Variants in SPOCK1 observed in about 807,000 individuals in gnomAD.
SPOCK1 encodes the protein SPARC (osteonectin), cwcv and kazal like domains proteoglycan 1.
SPOCK1 carries 23 observed loss-of-function variants against 55.3 expected under a neutral mutation model. The observed-to-expected ratio is 0.42, with a 90% confidence interval of 0.30 to 0.59. The LOEUF is 0.59. Ranked by LOEUF, SPOCK1 falls within the 20% of genes least tolerant of loss-of-function variation. The pLI is 0.22. For missense variants in SPOCK1, 499 were observed against 552.5 expected (o/e 0.90, Z 0.97); for synonymous variants, 226 against 221.0 (o/e 1.02, Z -0.20).
intron 4 of SPOCK1, among the ~76,000 whole-genome samples, chr5:137,114,805 T>C (rs889165533): frequency 1.3e-5 from 2 of 152,228 alleles, no homozygotes; most frequent in African/African-American, 4.8e-5. Context: ...TGCTCCTGGG[T>C]CAGTCCCCAG....
chr5:137,211,252 T>C (rs753929977), intron 3 of SPOCK1, among the ~76,000 whole-genome samples: 1 of 152,162 alleles, frequency 6.6e-6, no homozygotes, highest in Admixed American at 6.5e-5. Flanking sequence ...CAGAGTCAAA[T>C]AGATCTCAGA....
chr5:137,088,070 T>C (rs2348186), intron 5 of SPOCK1, among the ~76,000 whole-genome samples: 60,731 of 152,096 alleles, frequency 0.4, 13,033 homozygotes, highest in Non-Finnish European at 0.48. Flanking sequence ...AGATTCCATG[T>C]GTGTGAAGAT....
intron 3 of SPOCK1, among the ~76,000 whole-genome samples, chr5:137,169,526 C>T (rs1220663891): frequency 1.1e-3 from 2 of 1,876 alleles, no homozygotes; most frequent in African/African-American, 3.9e-3. Context: ...TGCCCAGGCA[C>T]ACACACCCAC....
chr5:137,452,693 T>C (rs1261626112), intron 2 of SPOCK1, among the ~76,000 whole-genome samples: 1 of 152,220 alleles, frequency 6.6e-6, no homozygotes, highest in African/African-American at 2.4e-5. Context: ...CAATGGTACT[T>C]GTATTTTTAT....
At chr5:137,238,489 A>C in intron 3 of SPOCK1, among the ~76,000 whole-genome samples, 1 of 148,938 alleles carries the variant, frequency 6.7e-6, no homozygotes, top group Non-Finnish European at 1.5e-5. Flanking sequence ...AATGAATCTC[A>C]TTTATGAAGA....
intron 5 of SPOCK1, among the ~76,000 whole-genome samples, chr5:137,097,843 C>T (rs1019591003): frequency 7.9e-5 from 12 of 152,194 alleles, no homozygotes; most frequent in Non-Finnish European, 1.8e-4. Context: ...AGGCCCCAGC[C>T]AGTGCCTGCT....
At chr5:137,406,070 T>A (rs768122359) in intron 2 of SPOCK1, among the ~76,000 whole-genome samples, 2 of 152,172 alleles carry the variant, frequency 1.3e-5, no homozygotes, top group Non-Finnish European at 2.9e-5. Context: ...TGAGAGGACA[T>A]CCCAATTTCT....
intron 3 of SPOCK1, among the ~76,000 whole-genome samples, chr5:137,158,131 A>C (rs1434664): frequency 0.9 from 136,438 of 152,132 alleles, 61,249 homozygotes; most frequent in African/African-American, 0.93. Flanking sequence ...CAAATGCCCA[A>C]TCCCCAGTAA....
intron 10 of SPOCK1, 27 bp downstream of exon 10, chr5:136,979,304 TG>T: frequency 6.2e-7 from 1 of 1,613,456 alleles, no homozygotes; most frequent in Non-Finnish European, 8.5e-7. Flanking sequence ...CAGGTCATTG[TG>T]GGGCTCATGC....
chr5:137,062,134 G>A (rs1254281231), intron 6 of SPOCK1, among the ~76,000 whole-genome samples: 1 of 152,102 alleles, frequency 6.6e-6, no homozygotes, highest in Non-Finnish European at 1.5e-5. Flanking sequence ...TGTAAGAATG[G>A]AGTCACTCTG....
intron 2 of SPOCK1, among the ~76,000 whole-genome samples, chr5:137,358,800 A>C (rs924785262): frequency 5.9e-5 from 9 of 152,196 alleles, no homozygotes; most frequent in Non-Finnish European, 1.2e-4. Context: ...ACTCTGTCCA[A>C]ACAGATTAAA....
At chr5:137,354,212 A>G (rs1386749330) in intron 2 of SPOCK1, among the ~76,000 whole-genome samples, 2 of 152,120 alleles carry the variant, frequency 1.3e-5, no homozygotes, top group African/African-American at 4.8e-5. Context: ...CTAAGCACCA[A>G]TCGCTGCTCC....
chr5:137,112,512 A>G lies in SPOCK1; in HGVS notation c.397T>C (p.Leu133=). 1.9e-6 allele frequency: 3 copies of G among 1,613,834 alleles called. No individual in the cohort carries two copies. Among genetic ancestry groups the G allele is most frequent in the East Asian group, 2.2e-5 (1 of 44,876 alleles). Residue 133 remains leucine (L), a synonymous_variant, in exon 5 of 11, where the codon TTG becomes CTG. Coordinates refer to ENST00000394945, the MANE Select transcript of SPOCK1 (RefSeq NM_004598.4). ...ACGGGACAGGGCTTGCACTTGACCAAATTCGAAGGTCCAACCCAGTGTTTC... is the reference window on the plus strand; with the variant it reads ...ACGGGACAGGGCTTGCACTTGACCAGATTCGAAGGTCCAACCCAGTGTTTC... ...AQKHWVGPSN[L]VKCKPCPVAQ... is the part of the protein sequence containing the mutation.
chr5:137,391,982 C>T (rs190049920), intron 2 of SPOCK1, among the ~76,000 whole-genome samples: 3 of 152,296 alleles, frequency 2.0e-5, no homozygotes, highest in African/African-American at 2.4e-5. Flanking sequence ...CCCTCTCCAA[C>T]ACCTTCACAC....
At chr5:136,992,622 A>T (rs769000251) in intron 6 of SPOCK1, 22 bp from the exon 7 acceptor site, 6 of 1,592,542 alleles carry the variant, frequency 3.8e-6, no homozygotes, top group Admixed American at 1.7e-5. Flanking sequence ...CAAACAGAAC[A>T]GACAATGGGG....
chr5:137,084,194 T>C (rs1300205727), intron 5 of SPOCK1, among the ~76,000 whole-genome samples: 1 of 151,892 alleles, frequency 6.6e-6, no homozygotes, highest in Non-Finnish European at 1.5e-5. Flanking sequence ...CCATCCCACT[T>C]CTGAAACTGT....
At chr5:137,124,174 T>C (rs1753736625) in intron 4 of SPOCK1, among the ~76,000 whole-genome samples, 1 of 152,210 alleles carries the variant, frequency 6.6e-6, no homozygotes, top group Non-Finnish European at 1.5e-5. Flanking sequence ...CCAGGTAGAC[T>C]GGCAGGAAAT....
rs372607820 is a variant in SPOCK1, at chr5:137,278,778, C to A, written c.187-11723G>T. ...ACTCTTCATAACTTGCTCAGCTGAC[C>A]CCTTGGACAGAGAGATGACGTACTG... is the stretch of plus-strand genomic sequence containing the variant. On this transcript the variant is annotated intron_variant, in intron 2 of 10. Transcript: ENST00000394945. 2.9e-3 allele frequency among the ~76,000 whole-genome samples: 443 copies of A among 152,246 alleles called. 25 individuals carry two copies. The South Asian group carries it at 0.088, about 30-fold the overall frequency.
At chr5:137,178,492 T>C (rs1368849013) in intron 3 of SPOCK1, among the ~76,000 whole-genome samples, 2 of 152,216 alleles carry the variant, frequency 1.3e-5, no homozygotes, top group African/African-American at 4.8e-5. Flanking sequence ...TATCCACACC[T>C]TGCTTTTAAG....
Sources: allele counts gnomAD v4.1 joint callset (sites outside exome capture counted in the v4.1 genomes callset), GRCh38; gene constraint gnomAD v4.1.1; transcripts MANE v1.5; gene names NCBI Gene and HGNC (gene_info 2026-07-23, HGNC 2026-07-21).